NF1: variants seen among roughly 807,000 people sequenced by gnomAD.
NF1 encodes the protein neurofibromin.
In NF1, 122 loss-of-function variants were observed where a neutral mutation model predicts 325.7. The ratio of observed to expected loss-of-function variants is 0.37; its 90% CI spans 0.32 to 0.44. The LOEUF is 0.44. Ranked by LOEUF, NF1 falls within the 20% of genes least tolerant of loss-of-function variation. NF1 has a pLI of 1.00. For synonymous variants in NF1, 1,091 were observed against 1,186.0 expected (o/e 0.92, Z 1.65); for missense variants, 2,140 against 3,415.4 (o/e 0.63, Z 9.31).
At chr17:31,174,090 CAGG>C (rs1180271225) in intron 5 of NF1, among the ~76,000 whole-genome samples, 1 of 152,170 alleles carries the variant, frequency 6.6e-6, no homozygotes, top group African/African-American at 2.4e-5. Flanking sequence ...TAAAAGTCAA[CAGG>C]AGAAGTTCTT....
intron 37 of NF1, 85 bp from the exon 38 acceptor site, chr17:31,327,410 TTTGG>T: frequency 1.1e-6 from 1 of 908,860 alleles, no homozygotes; most frequent in Non-Finnish European, 1.7e-6. Context: ...TAGTGTTTTG[TTTGG>T]TTGGTTGGTT....
intron 36 of NF1, chr17:31,304,549 TG>T: frequency 2.5e-6 from 4 of 1,614,178 alleles, no homozygotes; most frequent in Non-Finnish European, 2.5e-6. Flanking sequence ...TTTGTCAGAT[TG>T]GTTACTTTCC....
At chr17:31,357,519 G>A (rs929597478) in intron 54 of NF1, 150 bp downstream of exon 54, 23 of 699,620 alleles carry the variant, frequency 3.3e-5, no homozygotes, top group Non-Finnish European at 5.1e-5. Context: ...TGAGGGTTAA[G>A]ATTAGTTTTG....
chr17:31,284,981 A>G (rs954787530), intron 36 of NF1, among the ~76,000 whole-genome samples: 1 of 152,128 alleles, frequency 6.6e-6, no homozygotes, highest in African/African-American at 2.4e-5. Flanking sequence ...TTAGCCGGGC[A>G]TGCTTTGCGC....
At position 31,374,004 on chromosome 17, in the gene NF1, T is replaced by C. The variant is rs1453787016; in HGVS notation, c.8378-9T>C. On this transcript the variant is annotated splice_polypyrimidine_tract_variant and intron_variant, in intron 57 of 57. Coordinates refer to ENST00000358273, the MANE Select transcript of NF1 (RefSeq NM_001042492.3). ...AGAAGAAGTAACTGGCTGTTCTCTT[T>C]TTCTCCAGGAATCGACAAGGAGAAC... 12 of 1,613,978 alleles carry C rather than the reference T, an allele frequency of 7.4e-6. No individual in the cohort carries two copies. Among genetic ancestry groups the C allele is most frequent in the Non-Finnish European group, 1.0e-5 (12 of 1,179,904 alleles).
At chr17:31,166,790 C>T (rs930882240) in intron 4 of NF1, among the ~76,000 whole-genome samples, 3 of 151,954 alleles carry the variant, frequency 2.0e-5, no homozygotes, top group African/African-American at 4.8e-5. Flanking sequence ...GGGTACAAGG[C>T]GTTTATATCC....
chr17:31,362,750 T>G (rs561475661), intron 57 of NF1, among the ~76,000 whole-genome samples: 1 of 152,336 alleles, frequency 6.6e-6, no homozygotes, highest in East Asian at 1.9e-4. Context: ...AATGGTTAGT[T>G]TTTTTATTGA....
At chr17:31,210,681 C>T (rs1342372792) in intron 12 of NF1, among the ~76,000 whole-genome samples, 3 of 152,030 alleles carry the variant, frequency 2.0e-5, no homozygotes, top group Admixed American at 6.5e-5. Context: ...AATTAAAATG[C>T]CATATTAAGA....
At chr17:31,260,240 A>G in intron 33 of NF1, 129 bp from the exon 34 acceptor site, 1 of 972,162 alleles carries the variant, frequency 1.0e-6, no homozygotes, top group South Asian at 1.4e-5. Flanking sequence ...GTCAAGTCAC[A>G]TTGTGTGAAC....
chr17:31,320,558 G>T, intron 36 of NF1: 2 of 762,838 alleles, frequency 2.6e-6, no homozygotes, highest in Non-Finnish European at 4.2e-6. Flanking sequence ...GATACGTTGA[G>T]TTATGCAAAC....
At chr17:31,322,973 A>G (rs776686695) in intron 36 of NF1, among the ~76,000 whole-genome samples, 1 of 152,208 alleles carries the variant, frequency 6.6e-6, no homozygotes, top group Non-Finnish European at 1.5e-5. Context: ...TATATCTTGT[A>G]TACATCACTG....
chr17:31,287,542 CTGTGTGTGTG>C (rs59906241), intron 36 of NF1, among the ~76,000 whole-genome samples: 1,481 of 145,486 alleles, frequency 0.01, 24 homozygotes, highest in African/African-American at 0.035. Flanking sequence ...TCATTCATAA[CTGTGTGTGTG>C]TGTGTGTGTG....
At chr17:31,194,809 T>TTG (rs754297929) in intron 8 of NF1, among the ~76,000 whole-genome samples, 3 of 152,160 alleles carry the variant, frequency 2.0e-5, no homozygotes, top group Non-Finnish European at 4.4e-5. Context: ...GTATGTTCAT[T>TTG]TGTGTGTGTG....
chr17:31,260,686 A>G (rs1257470605), intron 34 of NF1, among the ~76,000 whole-genome samples, 171 bp downstream of exon 34: 2 of 152,246 alleles, frequency 1.3e-5, no homozygotes, highest in East Asian at 1.9e-4. Flanking sequence ...AGGTTAAGTC[A>G]TATTAAATAA....
intron 36 of NF1, among the ~76,000 whole-genome samples, chr17:31,282,827 A>G (rs904377940): frequency 1.3e-5 from 2 of 152,302 alleles, no homozygotes; most frequent in Middle Eastern, 6.8e-3. Flanking sequence ...TTAACTTTAG[A>G]GGAACTGCCA....
rs1199046022 is a variant in NF1, at chr17:31,350,242, C to T, written c.7381C>T (p.Leu2461Phe). The change falls in exon 50 of 58, where the codon CTT becomes TTT. Residue 2461 changes from leucine (L) to phenylalanine (F), a missense_variant. Coordinates refer to ENST00000358273, the MANE Select transcript of NF1 (RefSeq NM_001042492.3). The part of the protein sequence containing the change: ...SRCSLKHRKS[L>F]LLTDISMENV... ...CTGCAGCCTAAAACATAGAAAGTCA[C>T]TTCTTCTTACTGATATTTCAATGGA... The T allele has an allele frequency of 1.2e-6, 2 of 1,613,706 alleles. No individual in the cohort carries two copies. Among genetic ancestry groups the T allele is most frequent in the Non-Finnish European group, 1.7e-6 (2 of 1,179,676 alleles).
intron 30 of NF1, chr17:31,252,513 G>A (rs914934010): frequency 1.9e-5 from 4 of 208,764 alleles, no homozygotes; most frequent in Non-Finnish European, 3.9e-5. Flanking sequence ...GTCAATTGAA[G>A]GATACACAGA....
chr17:31,163,075 A>G, intron 3 of NF1, 111 bp from the exon 4 acceptor site: 1 of 912,396 alleles, frequency 1.1e-6, no homozygotes. Context: ...GGTGGTGTGT[A>G]TGTAAGGTGT....
intron 16 of NF1, 57 bp from the exon 17 acceptor site, chr17:31,225,038 T>C (rs2066987766): frequency 6.3e-7 from 1 of 1,583,976 alleles, no homozygotes; most frequent in Non-Finnish European, 8.6e-7. Context: ...CAAATAAGTG[T>C]TTATTCCTCT....
Sources: allele counts gnomAD v4.1 joint callset (sites outside exome capture counted in the v4.1 genomes callset), GRCh38; gene constraint gnomAD v4.1.1; transcripts MANE v1.5; gene names NCBI Gene and HGNC (gene_info 2026-07-23, HGNC 2026-07-21).